The following RALGAPA1 variants were observed in gnomAD, a reference collection of about 807,000 sequenced individuals.
RALGAPA1 encodes Ral GTPase activating protein catalytic subunit alpha 1.
In RALGAPA1, 52 loss-of-function variants were observed where a neutral mutation model predicts 269.6. The ratio of observed to expected loss-of-function variants is 0.19; its 90% CI spans 0.15 to 0.24. The LOEUF (loss-of-function observed/expected upper bound fraction) is 0.24. Ranked by LOEUF, RALGAPA1 falls within the 10% of genes least tolerant of loss-of-function variation. The pLI is 1.00. For synonymous variants in RALGAPA1, 817 were observed against 1,008.3 expected (o/e 0.81, Z 3.60); for missense variants, 1,917 against 3,013.9 (o/e 0.64, Z 8.52).
At chr14:35,695,681 A>G (rs2066844969) in intron 17 of RALGAPA1, among the ~76,000 whole-genome samples, 1 of 152,238 alleles carries the variant, frequency 6.6e-6, no homozygotes, top group African/African-American at 2.4e-5. Flanking sequence ...ATACTAAATA[A>G]GAAACATTTG....
chr14:35,574,343 A>T (rs1359078255), intron 37 of RALGAPA1, among the ~76,000 whole-genome samples: 1 of 152,224 alleles, frequency 6.6e-6, no homozygotes, highest in Non-Finnish European at 1.5e-5. Flanking sequence ...TTATTTTATA[A>T]CTGAAGCTTG....
At chr14:35,781,338 T>C (rs1219943034) in intron 1 of RALGAPA1, among the ~76,000 whole-genome samples, 1 of 151,926 alleles carries the variant, frequency 6.6e-6, no homozygotes, top group Non-Finnish European at 1.5e-5. Context: ...CAACCTACAA[T>C]GAATGAGAAG....
intron 39 of RALGAPA1, among the ~76,000 whole-genome samples, chr14:35,565,774 A>G (rs1274868806): frequency 6.6e-6 from 1 of 152,236 alleles, no homozygotes; most frequent in Non-Finnish European, 1.5e-5. Context: ...AAGAAGAAAC[A>G]GTATTTACCT....
intron 37 of RALGAPA1, among the ~76,000 whole-genome samples, chr14:35,573,488 T>C (rs1289963692): frequency 1.3e-5 from 2 of 152,146 alleles, no homozygotes; most frequent in Non-Finnish European, 2.9e-5. Flanking sequence ...TTCAGATAAC[T>C]AGACACACGG....
At chr14:35,776,000 C>T (rs1047523526) in intron 1 of RALGAPA1, among the ~76,000 whole-genome samples, 1 of 152,094 alleles carries the variant, frequency 6.6e-6, no homozygotes, top group Non-Finnish European at 1.5e-5. Context: ...ATTAATCATA[C>T]CAAAAAAAGA....
chr14:35,577,173 C>T (rs138846437), intron 37 of RALGAPA1, among the ~76,000 whole-genome samples: 3 of 152,094 alleles, frequency 2.0e-5, no homozygotes, highest in South Asian at 2.1e-4. Flanking sequence ...ATGAAGCTCA[C>T]GAATGTTGGT....
chr14:35,643,075 C>T (rs993939639), intron 31 of RALGAPA1, among the ~76,000 whole-genome samples: 31 of 151,902 alleles, frequency 2.0e-4, no homozygotes, highest in South Asian at 6.2e-4. Context: ...AGCAAACTGT[C>T]GCAAGGACAG....
At chr14:35,758,799 G>GA (rs2073427812) in intron 6 of RALGAPA1, among the ~76,000 whole-genome samples, 1 of 151,968 alleles carries the variant, frequency 6.6e-6, no homozygotes, top group African/African-American at 2.4e-5. Context: ...GAGAGGCAGA[G>GA]AAAAAAAATG....
chr14:35,756,920 C>A lies in RALGAPA1; in HGVS notation c.548-12G>T. 1.3e-6 allele frequency: 2 copies of A among 1,588,962 alleles called. No individual in the cohort carries two copies. The highest frequency in any genetic ancestry group is 1.7e-6 in the Non-Finnish European group (2 of 1,166,854). ...TATAGTGACTTGAGCTATCCAAAGA[C>A]AAAAGAATAGTATATAGTTACAAAA... On this transcript the variant is annotated splice_polypyrimidine_tract_variant and intron_variant, in intron 6 of 41. Transcript: ENST00000680220.
intron 1 of RALGAPA1, among the ~76,000 whole-genome samples, chr14:35,793,924 G>A (rs2076374175): frequency 6.6e-6 from 1 of 152,142 alleles, no homozygotes; most frequent in African/African-American, 2.4e-5. Context: ...TAAACAAAAT[G>A]TTAATATAAA....
At chr14:35,738,430 G>A in intron 12 of RALGAPA1, 83 bp downstream of exon 12, 1 of 1,017,848 alleles carries the variant, frequency 9.8e-7, no homozygotes, top group Non-Finnish European at 1.3e-6. Context: ...ATTATATTGT[G>A]AAAAGTATAC....
intron 1 of RALGAPA1, among the ~76,000 whole-genome samples, chr14:35,787,465 T>C (rs1193826516): frequency 6.6e-6 from 1 of 152,206 alleles, no homozygotes; most frequent in Non-Finnish European, 1.5e-5. Context: ...ATCCTAGTTA[T>C]TCTATTTTAG....
chr14:35,634,564 T>A lies in RALGAPA1; in HGVS notation c.5995+10A>T. On this transcript the variant is annotated intron_variant, in intron 33 of 41. Coordinates refer to ENST00000680220, the MANE Select transcript of RALGAPA1 (RefSeq NM_001346249.2). ...AGCAACAATATTGTCCTGAACAGAATTCATGTTACCTTCTGTTACTGGCTG... is the reference window on the plus strand; with the variant it reads ...AGCAACAATATTGTCCTGAACAGAAATCATGTTACCTTCTGTTACTGGCTG... 6.2e-7 allele frequency: 1 copy of A among 1,606,098 alleles called. No individual in the cohort carries two copies.
chr14:35,662,560 A>T (rs534515190), intron 27 of RALGAPA1, among the ~76,000 whole-genome samples: 1 of 152,082 alleles, frequency 6.6e-6, no homozygotes, highest in East Asian at 1.9e-4. Flanking sequence ...TACTTTGGAG[A>T]TTTGTTGTTG....
At chr14:35,707,113 T>C (rs1291458291) in intron 16 of RALGAPA1, 1 of 152,240 alleles carries the variant, frequency 6.6e-6, no homozygotes, top group Non-Finnish European at 1.5e-5. Flanking sequence ...CTAATGTAAA[T>C]GGTACTGTGC....
At position 35,725,170 on chromosome 14, in the gene RALGAPA1, T is replaced by G. The variant is rs142691587; in HGVS notation, c.1737-17A>C. On this transcript the variant is annotated splice_polypyrimidine_tract_variant and intron_variant, in intron 13 of 41. Coordinates refer to ENST00000680220, the MANE Select transcript of RALGAPA1 (RefSeq NM_001346249.2). ...ATCTGTTCCCTTAAAATAAAAAGACTGATTAATGTTTCCTTCTTGCATATG... is the reference window on the plus strand; with the variant it reads ...ATCTGTTCCCTTAAAATAAAAAGACGGATTAATGTTTCCTTCTTGCATATG... The G allele has an allele frequency of 2.2e-5, 34 of 1,514,464 alleles. No homozygotes were observed. In the East Asian group the frequency reaches 8.2e-4, roughly 37 times the overall value. The allele number at this position is 1,514,464 out of a possible 1,614,324, so 93.8% of individuals were successfully genotyped here.
chr14:35,644,931 T>A (rs1470457878), intron 31 of RALGAPA1, among the ~76,000 whole-genome samples: 2 of 152,196 alleles, frequency 1.3e-5, no homozygotes, highest in Admixed American at 1.3e-4. Flanking sequence ...AAATAAGAAT[T>A]GGAGGTGTCA....
At chr14:35,597,958 T>C (rs1038337150) in intron 36 of RALGAPA1, among the ~76,000 whole-genome samples, 1 of 152,342 alleles carries the variant, frequency 6.6e-6, no homozygotes, top group Non-Finnish European at 1.5e-5. Flanking sequence ...TGTCTTGGTA[T>C]ATGTTCTGTG....
chr14:35,699,639 A>C (rs992030095), intron 17 of RALGAPA1, among the ~76,000 whole-genome samples: 36 of 152,118 alleles, frequency 2.4e-4, no homozygotes, highest in African/African-American at 8.4e-4. Flanking sequence ...ATGTAATATA[A>C]ATACAAAGAT....
Sources: allele counts gnomAD v4.1 joint callset (sites outside exome capture counted in the v4.1 genomes callset), GRCh38; gene constraint gnomAD v4.1.1; transcripts MANE v1.5; gene names NCBI Gene and HGNC (gene_info 2026-07-23, HGNC 2026-07-21).